The following NUP214 variants were observed in gnomAD, a reference collection of about 807,000 sequenced individuals.
The protein encoded by NUP214 is nucleoporin 214.
NUP214 carries 79 observed loss-of-function variants against 196.2 expected under a neutral mutation model. The ratio of observed to expected loss-of-function variants is 0.40; its 90% CI spans 0.34 to 0.49. The LOEUF is 0.49. Among genes scored for constraint, NUP214 ranks in the 20% least tolerant of loss-of-function variants. The pLI is 0.58. For synonymous variants in NUP214, 1,020 were observed against 990.5 expected, an observed-to-expected ratio of 1.03 and a Z score of -0.56; for missense variants, 2,468 against 2,539.0, an observed-to-expected ratio of 0.97 and a Z score of 0.60.
At chr9:131,164,406 C>T (rs1832726984) in intron 21 of NUP214, 2 of 454,472 alleles carry the variant, frequency 4.4e-6, no homozygotes, top group African/African-American at 2.0e-5. Context: ...CTGTTTTCTG[C>T]AGTCCTCAAG....
intron 13 of NUP214, among the ~76,000 whole-genome samples, chr9:131,147,065 CA>C (rs1832105737): frequency 1.3e-5 from 2 of 152,128 alleles, no homozygotes; most frequent in Admixed American, 6.6e-5. Flanking sequence ...CACATCACTG[CA>C]GCCTCTACCT....
At chr9:131,186,930 G>A (rs1483282489) in intron 24 of NUP214, among the ~76,000 whole-genome samples, 1 of 152,100 alleles carries the variant, frequency 6.6e-6, no homozygotes, top group Non-Finnish European at 1.5e-5. Context: ...AGCCTGCTTG[G>A]GTAAGAGAAT....
At chr9:131,167,077 C>T (rs1173987125) in intron 21 of NUP214, 5 of 152,118 alleles carry the variant, frequency 3.3e-5, no homozygotes, top group East Asian at 3.9e-4. Context: ...GTCCCACTTA[C>T]CCCTACACGT....
intron 34 of NUP214, 38 bp downstream of exon 34, chr9:131,230,807 G>C (rs1226947502): frequency 1.3e-6 from 2 of 1,597,112 alleles, no homozygotes; most frequent in Admixed American, 3.4e-5. Context: ...AAGCAAAATG[G>C]GTCCCTCTTG....
intron 30 of NUP214, among the ~76,000 whole-genome samples, chr9:131,202,480 A>G (rs1031372230): frequency 9.2e-5 from 14 of 151,860 alleles, no homozygotes; most frequent in African/African-American, 3.1e-4. Context: ...CTGGAGGACA[A>G]TGGCACAATC....
chr9:131,223,723 A>ATTTATTTATTTATTTATTTATTTT (rs1554742606), intron 32 of NUP214, among the ~76,000 whole-genome samples: 3 of 18,968 alleles, frequency 1.6e-4, no homozygotes, highest in African/African-American at 2.6e-4. Flanking sequence ...TTATTTATTT[A>ATTTATTTATTTATTTATTTATTTT]TTTATTTTTT....
At position 131,128,476 on chromosome 9, in the gene NUP214, C is replaced by A; in HGVS notation, c.386C>A (p.Ser129Ter). 1 of 1,612,006 alleles carries A rather than the reference C, an allele frequency of 6.2e-7. No homozygotes were observed. Among genetic ancestry groups the A allele is most frequent in the South Asian group, 1.1e-5 (1 of 90,796 alleles). Residue 129 changes from serine to a stop codon, truncating the protein, a stop_gained, in exon 3 of 36, where the codon TCA becomes TAA. Coordinates refer to ENST00000359428, the MANE Select transcript of NUP214 (RefSeq NM_005085.4). LOFTEE classifies it high-confidence loss of function. ...GCTTTTTTTGATGTTCGCACATTCTCAAATGAGGTAAGCTACTGTTATACT... is the reference window on the plus strand; with the variant it reads ...GCTTTTTTTGATGTTCGCACATTCTAAAATGAGGTAAGCTACTGTTATACT... ...IIAFFDVRTF[S>*]NEAKQQKRPF...
At chr9:131,155,556 G>T (rs1832410389) in intron 17 of NUP214, among the ~76,000 whole-genome samples, 1 of 152,168 alleles carries the variant, frequency 6.6e-6, no homozygotes, top group Non-Finnish European at 1.5e-5. Flanking sequence ...CCTTGCCTAA[G>T]TCAATGTCTG....
intron 6 of NUP214, 39 bp downstream of exon 6, chr9:131,132,698 C>CAT: frequency 6.5e-7 from 1 of 1,530,894 alleles, no homozygotes; most frequent in African/African-American, 1.4e-5. Flanking sequence ...CCTCTAATGA[C>CAT]ATGTTATGTA....
chr9:131,169,446 G>A lies in NUP214; in HGVS notation c.2894-4609G>A, dbSNP rs544583064. ...GATCACTTGAGCCCAAGAGTTCGAG[G>A]CCAGCCTGGGAAAGGAGTGGTGAGA... On this transcript the variant is annotated intron_variant, in intron 21 of 35. Coordinates refer to ENST00000359428, the MANE Select transcript of NUP214 (RefSeq NM_005085.4). Among the ~76,000 whole-genome samples, 24 of 152,300 alleles carry A rather than the reference G, an allele frequency of 1.6e-4. No individual in the cohort carries two copies. The East Asian group carries it at 4.4e-3, about 28-fold the overall frequency.
At chr9:131,229,048 G>A (rs1235307752) in intron 33 of NUP214, 1 of 152,258 alleles carries the variant, frequency 6.6e-6, no homozygotes, top group Non-Finnish European at 1.5e-5. Flanking sequence ...AGGTGTCGAT[G>A]CCTGAAAGGA....
chr9:131,198,014 A>T lies in NUP214; in HGVS notation c.4520A>T (p.Asp1507Val), dbSNP rs1833840592. 6.2e-7 allele frequency: 1 copy of T among 1,614,106 alleles called. No individual in the cohort carries two copies. Among genetic ancestry groups the T allele is most frequent in the East Asian group, 2.2e-5 (1 of 44,898 alleles). The change falls in exon 29 of 36, where the codon GAC becomes GTC. Residue 1507 changes from aspartate to valine, a missense_variant. By Grantham distance (152) the Asp-to-Val change is radical. Transcript: ENST00000359428. ...TCAGCTTTGCCTGAGAAGCCAGGTG[A>T]CAGTGAGGTCTCAGCATCAGCAGCC... Reference protein sequence around the residue: ...TSSALPEKPGDSEVSASAASL... With the variant: ...TSSALPEKPGVSEVSASAASL...
At chr9:131,139,626 T>G (rs1564180717) in intron 10 of NUP214, among the ~76,000 whole-genome samples, 1 of 152,246 alleles carries the variant, frequency 6.6e-6, no homozygotes, top group Non-Finnish European at 1.5e-5. Context: ...AAACACTGTA[T>G]GTATGTGTGG....
chr9:131,188,074 A>T (rs1354291990), intron 25 of NUP214, among the ~76,000 whole-genome samples: 1 of 152,144 alleles, frequency 6.6e-6, no homozygotes, highest in Non-Finnish European at 1.5e-5. Context: ...ACCAACGCAA[A>T]CTCTCACGAT....
In NUP214 at chr9:131,175,561, T is replaced by G. The variant is rs201231679; in HGVS notation, c.3259T>G (p.Ser1087Ala). Residue 1087 changes from serine (S) to alanine (A), a missense_variant, in exon 23 of 36, where the codon TCA (serine) becomes GCA (alanine). Ser to Ala is a moderately conservative substitution (Grantham distance 99). Transcript: ENST00000359428. ...TGCACCTAGTCCTTCCCACCCCATCTCAGCCCCGCAGGCAGCTGCCGCAGC... is the reference window on the plus strand; with the variant it reads ...TGCACCTAGTCCTTCCCACCCCATCGCAGCCCCGCAGGCAGCTGCCGCAGC... ...HGAPSPSHPI[S>A]APQAAAAAAL... The G allele has an allele frequency of 2.5e-6, 4 of 1,614,130 alleles. No homozygotes were observed. The highest frequency in any genetic ancestry group is 3.4e-6 in the Non-Finnish European group (4 of 1,180,020).
chr9:131,144,164 A>T, intron 11 of NUP214, 116 bp from the exon 12 acceptor site: 1 of 832,488 alleles, frequency 1.2e-6, no homozygotes, highest in Non-Finnish European at 1.9e-6. Context: ...TTTGCTTCTT[A>T]AACTAGTAAC....
chr9:131,229,280 G>C (rs558273344), intron 33 of NUP214: 1 of 164,770 alleles, frequency 6.1e-6, no homozygotes, highest in Admixed American at 5.7e-5. Flanking sequence ...GAGGGTTGGC[G>C]TGCTGCTTCT....
chr9:131,160,024 G>A (rs1015632516), intron 18 of NUP214, among the ~76,000 whole-genome samples: 18 of 152,014 alleles, frequency 1.2e-4, no homozygotes, highest in African/African-American at 4.1e-4. Context: ...ATTGGATTCA[G>A]CCTAATTATC....
Position 131,228,277 on chromosome 9 carries a change from C to T in NUP214, c.6020C>T (p.Thr2007Met), listed in dbSNP as rs772718092. The change falls in exon 33 of 36, where the codon ACG (threonine) becomes ATG (methionine). Residue 2007 changes from threonine to methionine, a missense_variant. Coordinates refer to ENST00000359428, the MANE Select transcript of NUP214 (RefSeq NM_005085.4). ...GCCTTTACAAGCCCTCTGGGCTCGA[C>T]GGGAGGCAAAGTGTTCGGAGAGGGC... The part of the protein sequence containing the change: ...APAFTSPLGS[T>M]GGKVFGEGTA... 4.4e-5 allele frequency: 70 copies of T among 1,604,890 alleles called. No homozygotes were observed. The highest frequency in any genetic ancestry group is 5.4e-5 in the Non-Finnish European group (63 of 1,176,852).
Sources: allele counts gnomAD v4.1 joint callset (sites outside exome capture counted in the v4.1 genomes callset), GRCh38; gene constraint gnomAD v4.1.1; transcripts MANE v1.5; gene names NCBI Gene and HGNC (gene_info 2026-07-23, HGNC 2026-07-21).